The following ZDHHC13 variants were observed in gnomAD, a reference collection of about 807,000 sequenced individuals.
ZDHHC13 encodes palmitoyltransferase ZDHHC13.
A neutral mutation model predicts 86.0 loss-of-function variants in ZDHHC13; 85 were observed. The observed-to-expected ratio is 0.99, with a 90% CI of 0.83 to 1.18. The LOEUF is 1.18. Among genes scored for constraint, ZDHHC13 ranks in the 50% most tolerant of loss-of-function variants. The pLI, the probability that ZDHHC13 is intolerant of heterozygous loss-of-function variation, is 0.00. For missense variants in ZDHHC13, 711 were observed against 730.2 expected (o/e 0.97, Z 0.30); for synonymous variants, 263 against 246.4 (o/e 1.07, Z -0.63).
At chr11:19,142,087 G>A (rs764804308) in intron 1 of ZDHHC13, among the ~76,000 whole-genome samples, 9 of 152,168 alleles carry the variant, frequency 5.9e-5, no homozygotes, top group Middle Eastern at 3.2e-3. Flanking sequence ...TCTAGGCATG[G>A]CTTAGCTGGA....
At chr11:19,121,125 T>G (rs951107017) in intron 1 of ZDHHC13, among the ~76,000 whole-genome samples, 1 of 152,240 alleles carries the variant, frequency 6.6e-6, no homozygotes, top group South Asian at 2.1e-4. Context: ...TCTAGCCCTT[T>G]AACTTTTCCC....
At chr11:19,164,518 G>T (rs1349851526) in intron 12 of ZDHHC13, 155 bp downstream of exon 12, 1 of 677,878 alleles carries the variant, frequency 1.5e-6, no homozygotes, top group Non-Finnish European at 2.5e-6. Context: ...TTTCTGTCTT[G>T]AACATATGGC....
chr11:19,150,886 T>C (rs1849590692), intron 6 of ZDHHC13, 95 bp downstream of exon 6: 1 of 1,082,542 alleles, frequency 9.2e-7, no homozygotes, highest in Non-Finnish European at 1.4e-6. Flanking sequence ...TGTGAGATGA[T>C]AGTACATTGA....
At position 19,170,375 on chromosome 11, in the gene ZDHHC13, C is replaced by CTTTTTTTTTTTT. The variant is rs55637113; in HGVS notation, c.1475-25_1475-14dup. 28 of 1,235,196 alleles carry CTTTTTTTTTTTT rather than the reference C, an allele frequency of 2.3e-5. 1 individual carries two copies. The highest frequency in any genetic ancestry group is 4.5e-4 in the Middle Eastern group (2 of 4,456). 76.5% of individuals were successfully genotyped at this position (1,235,196 alleles called of 1,614,324 possible). On this transcript the variant is annotated intron_variant, in intron 14 of 16. Coordinates refer to ENST00000446113, the MANE Select transcript of ZDHHC13 (RefSeq NM_019028.3). ...TGGAGACTGATAAGTAGTTTATTGCCTTTTTTTTTTTTTTTTTTTTTTGGT... is the reference window on the plus strand; with the variant it reads ...TGGAGACTGATAAGTAGTTTATTGCCTTTTTTTTTTTTTTTTTTTTTTTTTTTTTTTTTTGGT...
At chr11:19,136,618 C>G (rs1470546580) in intron 1 of ZDHHC13, among the ~76,000 whole-genome samples, 2 of 151,902 alleles carry the variant, frequency 1.3e-5, no homozygotes, top group African/African-American at 4.8e-5. Flanking sequence ...ACATAATTGT[C>G]AGATTCACCA....
At chr11:19,154,483 C>T (rs997379593) in intron 8 of ZDHHC13, among the ~76,000 whole-genome samples, 6 of 151,970 alleles carry the variant, frequency 3.9e-5, no homozygotes, top group African/African-American at 7.3e-5. Flanking sequence ...CTAGATATGG[C>T]GTAGAGAGGT....
chr11:19,119,430 T>A (rs1042716907), intron 1 of ZDHHC13, among the ~76,000 whole-genome samples: 6 of 152,204 alleles, frequency 3.9e-5, no homozygotes, highest in African/African-American at 1.2e-4. Context: ...CTGTCTTGCT[T>A]GCCCGGTCAT....
chr11:19,164,304 A>G lies in ZDHHC13; in HGVS notation c.1237A>G (p.Ile413Val). The G allele has an allele frequency of 3.1e-6, 5 of 1,613,062 alleles. No homozygotes were observed. Among genetic ancestry groups the G allele is most frequent in the South Asian group, 2.2e-5 (2 of 91,034 alleles). Residue 413 changes from isoleucine (I) to valine (V), a missense_variant, in exon 12 of 17, where the codon ATC becomes GTC. Ile to Val is a conservative substitution (Grantham distance 29, BLOSUM62 3). Coordinates refer to ENST00000446113, the MANE Select transcript of ZDHHC13 (RefSeq NM_019028.3). ...KASEEEKKVN[I>V]ITLAETGSLD... Reference sequence around the variant, plus strand: ...GGTCAAACTTCATGTCTTTCAGAATATCATCACCCTTGCAGAAACTGGCTC... The same window carrying G: ...GGTCAAACTTCATGTCTTTCAGAATGTCATCACCCTTGCAGAAACTGGCTC...
chr11:19,166,265 G>A (rs756582240), intron 13 of ZDHHC13, 37 bp from the exon 14 acceptor site: 30 of 1,549,682 alleles, frequency 1.9e-5, no homozygotes, highest in African/African-American at 5.5e-5. Context: ...CAGAAGAAAC[G>A]AAAATATTAA....
chr11:19,119,134 CAG>C (rs1351052886), intron 1 of ZDHHC13, among the ~76,000 whole-genome samples: 7 of 152,152 alleles, frequency 4.6e-5, no homozygotes, highest in African/African-American at 1.2e-4. Flanking sequence ...TTTTTTCAGA[CAG>C]AGTCTTGCTC....
chr11:19,162,589 G>T (rs569665902), intron 10 of ZDHHC13, among the ~76,000 whole-genome samples: 1 of 152,242 alleles, frequency 6.6e-6, no homozygotes, highest in Non-Finnish European at 1.5e-5. Flanking sequence ...AAAGCAAGGA[G>T]TGTCTTCAGC....
intron 14 of ZDHHC13, chr11:19,169,455 A>G: frequency 2.0e-6 from 2 of 985,506 alleles, no homozygotes; most frequent in Non-Finnish European, 2.4e-6. Flanking sequence ...TTAAATGGAC[A>G]GTTGACAGGA....
chr11:19,169,723 A>G (rs560364098), intron 14 of ZDHHC13: 3 of 985,486 alleles, frequency 3.0e-6, no homozygotes, highest in African/African-American at 1.7e-5. Context: ...TGCTGCTCCT[A>G]GCTACATGGG....
At chr11:19,157,462 A>G (rs771261198) in intron 9 of ZDHHC13, among the ~76,000 whole-genome samples, 3 of 152,226 alleles carry the variant, frequency 2.0e-5, no homozygotes, top group Non-Finnish European at 2.9e-5. Flanking sequence ...TTACTACTGT[A>G]TCACCCAAGA....
intron 9 of ZDHHC13, among the ~76,000 whole-genome samples, chr11:19,158,726 C>T (rs1849826059): frequency 1.3e-5 from 2 of 152,074 alleles, no homozygotes; most frequent in South Asian, 2.1e-4. Context: ...TCTTGAGAGT[C>T]GTTGTGCTTT....
At chr11:19,147,710 A>G (rs1226939921) in intron 4 of ZDHHC13, 37 bp downstream of exon 4, 7 of 1,499,832 alleles carry the variant, frequency 4.7e-6, no homozygotes, top group Non-Finnish European at 6.4e-6. Flanking sequence ...AAATAGCCAC[A>G]TATAGCTAGT....
chr11:19,167,002 A>C (rs911360237), intron 14 of ZDHHC13: 2 of 152,262 alleles, frequency 1.3e-5, no homozygotes, highest in African/African-American at 4.8e-5. Context: ...GAGGTGGTTG[A>C]CTAAGAAGGA....
At chr11:19,154,081 A>G (rs1455967613) in intron 8 of ZDHHC13, among the ~76,000 whole-genome samples, 1 of 152,208 alleles carries the variant, frequency 6.6e-6, no homozygotes, top group Admixed American at 6.5e-5. Context: ...CAAAGTCTTT[A>G]TGATGGCCTA....
intron 1 of ZDHHC13, among the ~76,000 whole-genome samples, chr11:19,140,114 C>T (rs1283482574): frequency 2.7e-5 from 4 of 149,618 alleles, no homozygotes; most frequent in Admixed American, 2.7e-4. Context: ...AAACTACCAT[C>T]AGAGTGAACA....
Sources: gnomAD v4.1 joint callset for allele counts (sites outside exome capture counted in the v4.1 genomes callset) on GRCh38, gnomAD v4.1.1 for gene constraint, MANE v1.5 for transcripts, NCBI Gene and HGNC (gene_info 2026-07-23, HGNC 2026-07-21) for gene names.